BACH1: variants seen among roughly 807,000 people sequenced by gnomAD.
BACH1 encodes the protein BTB domain and CNC homolog 1, also known as transcription regulator protein BACH1.
Under a neutral mutation model 52.9 loss-of-function variants are expected in BACH1, and 35 were observed. The ratio of observed to expected loss-of-function variants is 0.66; its 90% CI spans 0.51 to 0.88. The LOEUF (loss-of-function observed/expected upper bound fraction) is 0.88, where lower values mean the gene tolerates loss of function less well. Ranked by LOEUF, BACH1 falls within the 40% of genes least tolerant of loss-of-function variation. BACH1 has a pLI of 0.00. For synonymous variants in BACH1, 321 were observed against 319.6 expected, an observed-to-expected ratio of 1.00 and a Z score of -0.05; for missense variants, 808 against 872.6, an observed-to-expected ratio of 0.93 and a Z score of 0.93.
intron 2 of BACH1, among the ~76,000 whole-genome samples, chr21:29,325,185 G>A (rs1254108368): frequency 2.0e-5 from 3 of 151,954 alleles, no homozygotes; most frequent in African/African-American, 4.8e-5. Flanking sequence ...AGCCGAGATC[G>A]CGCCACTGCA....
In BACH1 at chr21:29,340,907, G is replaced by A. The variant is rs542855725; in HGVS notation, c.1777-1492G>A. On this transcript the variant is annotated intron_variant, in intron 4 of 4. Transcript: ENST00000286800. ...ACTTTGCATAAGAGAAAATGTACTGGCCAAACATTGATTTTGCTTACATAC... is the reference window on the plus strand; with the variant it reads ...ACTTTGCATAAGAGAAAATGTACTGACCAAACATTGATTTTGCTTACATAC... Among the ~76,000 whole-genome samples the A allele has an allele frequency of 4.6e-5, 7 of 150,940 alleles. No individual in the cohort carries two copies. In the East Asian group the frequency reaches 9.7e-4, roughly 21 times the overall value.
downstream of BACH1, among the ~76,000 whole-genome samples, chr21:29,348,210 C>T (rs1170216493): frequency 6.6e-6 from 1 of 152,176 alleles, no homozygotes; most frequent in African/African-American, 2.4e-5. Flanking sequence ...GAGGCTGTAG[C>T]TGGAGTTGTC....
chr21:29,327,544 G>C, intron 3 of BACH1, 151 bp downstream of exon 3: 1 of 1,170,100 alleles, frequency 8.5e-7, no homozygotes, highest in Non-Finnish European at 1.2e-6. Context: ...CTGTGTGATA[G>C]GGCTGGGCGC....
At position 29,342,483 on chromosome 21, in the gene BACH1, T is replaced by C. The variant is rs1436743650; in HGVS notation, c.1861T>C (p.Cys621Arg). Residue 621 changes from cysteine to arginine, a missense_variant, in exon 5 of 5, where the codon TGC becomes CGC. By Grantham distance (180) the Cys-to-Arg change is radical. Coordinates refer to ENST00000286800, the MANE Select transcript of BACH1 (RefSeq NM_001186.4). ...GACAAAGCAGAACCTAACTGGACTT[T>C]GCCAGAAAGTTTGTAAAGAAGCAGC... ...GETKQNLTGL[C>R]QKVCKEAALS... 1 of 1,614,226 alleles carries C rather than the reference T, an allele frequency of 6.2e-7. No individual in the cohort carries two copies. Among genetic ancestry groups the C allele is most frequent in the Admixed American group, 1.7e-5 (1 of 60,022 alleles).
At chr21:29,308,634 C>A (rs2088685665) in intron 1 of BACH1, among the ~76,000 whole-genome samples, 1 of 152,114 alleles carries the variant, frequency 6.6e-6, no homozygotes, top group South Asian at 2.1e-4. Context: ...AACTCTTAAA[C>A]CTGCAGGGGG....
At chr21:29,313,254 A>ATTCTT (rs2088747893) in intron 1 of BACH1, among the ~76,000 whole-genome samples, 1 of 152,246 alleles carries the variant, frequency 6.6e-6, no homozygotes, top group Non-Finnish European at 1.5e-5. Flanking sequence ...ATGAAACAAA[A>ATTCTT]CAGTCCTCAC....
At chr21:29,336,891 C>T (rs560905575) in intron 4 of BACH1, among the ~76,000 whole-genome samples, 6 of 152,164 alleles carry the variant, frequency 3.9e-5, no homozygotes, top group East Asian at 3.9e-4. Context: ...AGCCTGGTCT[C>T]GAACACCTGA....
At position 29,331,097 on chromosome 21, in the gene BACH1, G is replaced by A. The variant is rs543591406; in HGVS notation, c.1776+1404G>A. ...TCAGTAATACCTTTAATAAACACTGGTGTTCTTTCTTATTCAGTTTTGAAT... is the reference window on the plus strand; with the variant it reads ...TCAGTAATACCTTTAATAAACACTGATGTTCTTTCTTATTCAGTTTTGAAT... On this transcript the variant is annotated intron_variant, in intron 4 of 4. Coordinates refer to ENST00000286800, the MANE Select transcript of BACH1 (RefSeq NM_001186.4). Among the ~76,000 whole-genome samples the A allele has an allele frequency of 4.7e-4, 71 of 152,208 alleles. 1 individual carries two copies. Among genetic ancestry groups the A allele is most frequent in the African/African-American group, 1.4e-3 (58 of 41,536 alleles).
intron 1 of BACH1, among the ~76,000 whole-genome samples, chr21:29,320,214 G>T (rs909167703): frequency 6.6e-6 from 1 of 152,134 alleles, no homozygotes; most frequent in Non-Finnish European, 1.5e-5. Flanking sequence ...ATGACGCAGG[G>T]ATGATACCGT....
At chr21:29,321,086 A>G (rs182161842) in intron 1 of BACH1, 135 bp from the exon 2 acceptor site, 1 of 553,702 alleles carries the variant, frequency 1.8e-6, no homozygotes, top group Non-Finnish European at 3.2e-6. Flanking sequence ...TATTGAATAA[A>G]TGCCTCTAGG....
At chr21:29,347,429 C>T (rs2089176037), downstream of BACH1, among the ~76,000 whole-genome samples, 1 of 152,200 alleles carries the variant, frequency 6.6e-6, no homozygotes, top group African/African-American at 2.4e-5. Context: ...ACTACTACAT[C>T]AGGGCCAGGA....
At chr21:29,324,168 C>A (rs1249760355) in intron 2 of BACH1, among the ~76,000 whole-genome samples, 2 of 148,514 alleles carry the variant, frequency 1.3e-5, no homozygotes, top group African/African-American at 5.0e-5. Flanking sequence ...AGGAGAATCA[C>A]TTGCAGTGAG....
At chr21:29,338,343 A>G (rs74351375) in intron 4 of BACH1, among the ~76,000 whole-genome samples, 2,495 of 152,242 alleles carry the variant, frequency 0.016, 50 homozygotes, top group East Asian at 0.049. Context: ...TTGGCATACA[A>G]TTAATTTTTT....
chr21:29,360,689 A>G lies in BACH1; in HGVS notation c.472+30996A>G, dbSNP rs542118319. Among the ~76,000 whole-genome samples, 5 of 152,212 alleles carry G rather than the reference A, an allele frequency of 3.3e-5. No individual in the cohort carries two copies. In the South Asian group the frequency reaches 6.2e-4, roughly 19 times the overall value. On this transcript the variant is annotated intron_variant, in intron 2 of 4. Transcript: ENST00000422809. ...GCGAAACCCTGTCTCTACTAAAAAT[A>G]CAAAAATTACCCAGGTGTGGTGGCA... is the stretch of plus-strand genomic sequence containing the variant.
intron 2 of BACH1, among the ~76,000 whole-genome samples, chr21:29,356,307 T>G: frequency 6.6e-6 from 1 of 152,248 alleles, no homozygotes; most frequent in South Asian, 2.1e-4. Flanking sequence ...GAAAACCTTG[T>G]AAGTTTGGGG....
At chr21:29,351,144 T>G (rs2089199859), downstream of BACH1, among the ~76,000 whole-genome samples, 1 of 152,222 alleles carries the variant, frequency 6.6e-6, no homozygotes, top group Non-Finnish European at 1.5e-5. Flanking sequence ...TAGTTTATAC[T>G]TAATCACTGT....
In BACH1 at chr21:29,326,076, T is replaced by G; in HGVS notation, c.252T>G (p.Phe84Leu). The G allele has an allele frequency of 6.2e-7, 1 of 1,607,524 alleles. No homozygotes were observed. The highest frequency in any genetic ancestry group is 8.5e-7 in the Non-Finnish European group (1 of 1,177,262). The change falls in exon 3 of 5, where the codon TTT (phenylalanine) becomes TTG (leucine). Residue 84 changes from phenylalanine (F) to leucine (L), a missense_variant. Coordinates refer to ENST00000286800, the MANE Select transcript of BACH1 (RefSeq NM_001186.4). The stretch of plus-strand genomic sequence containing the variant: ...ATCAACAGGTGACAGTTAAAGGATT[T>G]GAACCTTTAATTCAGTTTGCCTACA... ...TLPEEVTVKGFEPLIQFAYTA... is the reference protein window; with the variant it reads ...TLPEEVTVKGLEPLIQFAYTA...
chr21:29,323,462 G>C (rs982679024), intron 2 of BACH1, among the ~76,000 whole-genome samples: 10 of 152,314 alleles, frequency 6.6e-5, no homozygotes, highest in Admixed American at 5.2e-4. Flanking sequence ...CTGATGTCAA[G>C]GGCAGGAGGC....
At chr21:29,358,800 A>AAG (rs777833400) in intron 2 of BACH1, among the ~76,000 whole-genome samples, 93 of 137,576 alleles carry the variant, frequency 6.8e-4, no homozygotes, top group African/African-American at 2.0e-3. Flanking sequence ...GAAAGAAAGA[A>AAG]AGAAAGAAAG....
Sources: gnomAD v4.1 joint callset for allele counts (sites outside exome capture counted in the v4.1 genomes callset) on GRCh38, gnomAD v4.1.1 for gene constraint, MANE v1.5 for transcripts, NCBI Gene and HGNC (gene_info 2026-07-23, HGNC 2026-07-21) for gene names.